Variants in ARMC9 observed in about 807,000 individuals in gnomAD.
ARMC9 encodes armadillo repeat containing 9.
In ARMC9, 94 loss-of-function variants were observed where a neutral mutation model predicts 107.0. That is an observed-to-expected ratio of 0.88 (90% confidence interval 0.74 to 1.04). ARMC9 has a LOEUF of 1.04. Among genes scored for constraint, ARMC9 ranks in the 50% least tolerant of loss-of-function variants. ARMC9 has a pLI of 0.00. For synonymous variants in ARMC9, 380 were observed against 396.9 expected (o/e 0.96, Z 0.51); for missense variants, 942 against 1,030.1 (o/e 0.91, Z 1.17).
At chr2:231,249,005 A>G (rs1305735447) in intron 9 of ARMC9, among the ~76,000 whole-genome samples, 1 of 152,112 alleles carries the variant, frequency 6.6e-6, no homozygotes, top group African/African-American at 2.4e-5. Context: ...CATCCTGCAC[A>G]GCCTGCCCAG....
intron 23 of ARMC9, among the ~76,000 whole-genome samples, chr2:231,364,280 A>G (rs1328937136): frequency 6.6e-6 from 1 of 152,262 alleles, no homozygotes; most frequent in Non-Finnish European, 1.5e-5. Context: ...GCCTGAGGAC[A>G]GGTGAGGGAG....
chr2:231,328,819 C>CT (rs781598910), intron 19 of ARMC9, among the ~76,000 whole-genome samples: 1,759 of 115,180 alleles, frequency 0.015, 93 homozygotes, highest in Middle Eastern at 0.054. Context: ...CTTTTCTTTT[C>CT]TTTTTTTTTT....
At chr2:231,230,494 C>T (rs2035106924) in intron 7 of ARMC9, among the ~76,000 whole-genome samples, 1 of 152,194 alleles carries the variant, frequency 6.6e-6, no homozygotes, top group South Asian at 2.1e-4. Flanking sequence ...TTTGAGCTAT[C>T]ACCCACGTAG....
Position 231,313,993 on chromosome 2 carries a change from C to G in ARMC9, c.1773+17740C>G, listed in dbSNP as rs186031070. The stretch of plus-strand genomic sequence containing the variant: ...CAGGGTGGTCTTAAACTTCTGGGCT[C>G]AAGTGATCTTCCCACCTTGACCTCC... On this transcript the variant is annotated intron_variant, in intron 19 of 24. Coordinates refer to ENST00000611582, the MANE Select transcript of ARMC9 (RefSeq NM_001352754.2). Among the ~76,000 whole-genome samples the G allele has an allele frequency of 1.2e-3, 176 of 149,914 alleles. 1 individual carries two copies. Among genetic ancestry groups the G allele is most frequent in the East Asian group, 5.6e-3 (29 of 5,134 alleles).
chr2:231,316,328 A>G (rs187948914), intron 19 of ARMC9, among the ~76,000 whole-genome samples: 2 of 152,076 alleles, frequency 1.3e-5, no homozygotes, highest in East Asian at 3.9e-4. Context: ...GATTTGGTCA[A>G]AACACCTTCA....
chr2:231,349,598 G>A (rs778339878), intron 21 of ARMC9, among the ~76,000 whole-genome samples: 12 of 151,926 alleles, frequency 7.9e-5, no homozygotes, highest in Admixed American at 2.6e-4. Context: ...CCTGGCCAAC[G>A]TGGTAAAACC....
intron 20 of ARMC9, among the ~76,000 whole-genome samples, chr2:231,336,606 T>C (rs1227663511): frequency 2.6e-5 from 4 of 152,230 alleles, no homozygotes; most frequent in African/African-American, 9.6e-5. Flanking sequence ...GGGAAATGCC[T>C]ATAGTGAATG....
At position 231,291,923 on chromosome 2, in the gene ARMC9, C is replaced by CT. The variant is rs1182964195; in HGVS notation, c.1717+483dup. On this transcript the variant is annotated intron_variant, in intron 18 of 24. Transcript: ENST00000611582. The stretch of plus-strand genomic sequence containing the variant: ...GTGGTTCACACCTGTAATCCCAGCA[C>CT]TTTGAGAGGCCGAGGCAGGCAGATC... 9.9e-5 allele frequency among the ~76,000 whole-genome samples: 15 copies of CT among 152,034 alleles called. No individual in the cohort carries two copies. In the East Asian group the frequency reaches 2.9e-3, roughly 29 times the overall value.
At chr2:231,305,361 T>A (rs1010164747) in intron 19 of ARMC9, among the ~76,000 whole-genome samples, 2 of 152,228 alleles carry the variant, frequency 1.3e-5, no homozygotes, top group African/African-American at 4.8e-5. Context: ...TGAAAGTCAG[T>A]AAAGCATCCA....
intron 9 of ARMC9, 114 bp from the exon 10 acceptor site, chr2:231,256,472 C>A: frequency 1.4e-6 from 2 of 1,412,470 alleles, no homozygotes; most frequent in Admixed American, 2.0e-5. Context: ...AAAAAAAAAC[C>A]CAAAAAACCT....
At chr2:231,247,944 C>T (rs993612767) in intron 9 of ARMC9, among the ~76,000 whole-genome samples, 2 of 152,084 alleles carry the variant, frequency 1.3e-5, no homozygotes, top group Admixed American at 1.3e-4. Context: ...AAATAAAGCA[C>T]CTTTGTATTA....
intron 19 of ARMC9, among the ~76,000 whole-genome samples, chr2:231,318,914 A>T (rs1302786689): frequency 6.6e-6 from 1 of 152,210 alleles, no homozygotes; most frequent in Non-Finnish European, 1.5e-5. Flanking sequence ...CCTTCAACAA[A>T]TAAGCAGAGA....
At chr2:231,336,015 G>C (rs999384956) in intron 20 of ARMC9, among the ~76,000 whole-genome samples, 1 of 152,042 alleles carries the variant, frequency 6.6e-6, no homozygotes, top group African/African-American at 2.4e-5. Flanking sequence ...GGAGATGGAG[G>C]CTTCAGGGAG....
At chr2:231,290,749 A>G (rs1231607138) in intron 17 of ARMC9, among the ~76,000 whole-genome samples, 1 of 152,184 alleles carries the variant, frequency 6.6e-6, no homozygotes, top group Admixed American at 6.5e-5. Context: ...TTAATAGAAA[A>G]GGAATGAAAT....
intron 19 of ARMC9, among the ~76,000 whole-genome samples, chr2:231,313,960 A>G (rs868322932): frequency 6.8e-4 from 96 of 141,418 alleles, no homozygotes; most frequent in African/African-American, 2.2e-3. Flanking sequence ...GAATCCCACT[A>G]TGTTGCCCAG....
intron 9 of ARMC9, among the ~76,000 whole-genome samples, chr2:231,246,572 A>G (rs2036784888): frequency 6.6e-6 from 1 of 152,310 alleles, no homozygotes; most frequent in South Asian, 2.1e-4. Context: ...TCCATTGTAT[A>G]TGTGTACCAC....
At chr2:231,269,281 C>T (rs1574879933) in intron 12 of ARMC9, among the ~76,000 whole-genome samples, 4 of 151,908 alleles carry the variant, frequency 2.6e-5, no homozygotes, top group Admixed American at 2.0e-4. Flanking sequence ...GGTTTCTTCC[C>T]TCTGTTTTCT....
intron 12 of ARMC9, among the ~76,000 whole-genome samples, chr2:231,269,862 C>A: frequency 6.7e-6 from 1 of 148,980 alleles, no homozygotes; most frequent in Non-Finnish European, 1.5e-5. Flanking sequence ...TACTCCAAGC[C>A]CCGCCCCCAC....
intron 12 of ARMC9, among the ~76,000 whole-genome samples, chr2:231,263,168 C>A (rs2038537315): frequency 6.6e-6 from 1 of 152,144 alleles, no homozygotes; most frequent in Non-Finnish European, 1.5e-5. Context: ...GAATTTTTAT[C>A]CAGAGTGCTG....
Sources: allele counts gnomAD v4.1 joint callset (sites outside exome capture counted in the v4.1 genomes callset), GRCh38; gene constraint gnomAD v4.1.1; transcripts MANE v1.5; gene names NCBI Gene and HGNC (gene_info 2026-07-23, HGNC 2026-07-21).